CCSER1: variants seen among roughly 807,000 people sequenced by gnomAD.
The protein encoded by CCSER1 is serine-rich coiled-coil domain-containing protein 1.
A neutral mutation model predicts 82.0 loss-of-function variants in CCSER1; 41 were observed. The observed-to-expected ratio is 0.50, with a 90% CI of 0.39 to 0.65. The LOEUF (loss-of-function observed/expected upper bound fraction) is 0.65. Ranked by LOEUF, CCSER1 falls within the 30% of genes least tolerant of loss-of-function variation. The pLI is 0.00. For missense variants in CCSER1, 1,119 were observed against 1,064.2 expected, an observed-to-expected ratio of 1.05 and a Z score of -0.72; for synonymous variants, 414 against 383.9, an observed-to-expected ratio of 1.08 and a Z score of -0.92.
At chr4:90,771,545 AT>A (rs1261428284) in intron 7 of CCSER1, among the ~76,000 whole-genome samples, 11 of 145,066 alleles carry the variant, frequency 7.6e-5, no homozygotes, top group African/African-American at 2.4e-4. Context: ...AAATGATTTT[AT>A]TTAGAAAATG....
chr4:91,281,034 T>C (rs1742875308), intron 10 of CCSER1, among the ~76,000 whole-genome samples: 1 of 152,140 alleles, frequency 6.6e-6, no homozygotes, highest in African/African-American at 2.4e-5. Flanking sequence ...TCTTAGGGCT[T>C]GTGTGAGTTG....
chr4:90,403,403 G>A (rs1254530820), intron 4 of CCSER1, among the ~76,000 whole-genome samples: 1 of 149,282 alleles, frequency 6.7e-6, no homozygotes, highest in Non-Finnish European at 1.5e-5. Context: ...GGAGGCTGAG[G>A]CAGGAGAATG....
intron 8 of CCSER1, among the ~76,000 whole-genome samples, chr4:90,880,259 A>G (rs1721099464): frequency 6.6e-6 from 1 of 152,128 alleles, no homozygotes; most frequent in African/African-American, 2.4e-5. Flanking sequence ...TGGAAACACC[A>G]GAGGAAGGAA....
intron 10 of CCSER1, among the ~76,000 whole-genome samples, chr4:91,350,135 C>T (rs1202358639): frequency 3.2e-5 from 4 of 125,740 alleles, no homozygotes; most frequent in Non-Finnish European, 5.2e-5. Flanking sequence ...CATAAATTAA[C>T]AGTATTATTT....
intron 1 of CCSER1, among the ~76,000 whole-genome samples, chr4:90,208,005 C>G (rs1056597748): frequency 1.3e-5 from 2 of 152,148 alleles, no homozygotes; most frequent in Admixed American, 1.3e-4. Context: ...GCAATCTGTC[C>G]CTTAGCAGAG....
chr4:90,605,176 G>A (rs1380063764), intron 5 of CCSER1, among the ~76,000 whole-genome samples: 2 of 152,124 alleles, frequency 1.3e-5, no homozygotes, highest in Non-Finnish European at 1.5e-5. Context: ...CTCCCGATAC[G>A]TTGGAACATT....
chr4:91,293,754 G>A (rs1360004236), intron 10 of CCSER1, among the ~76,000 whole-genome samples: 12 of 151,808 alleles, frequency 7.9e-5, no homozygotes, highest in Admixed American at 7.9e-4. Flanking sequence ...ACCAGAGAAT[G>A]AGTTTCTTTG....
intron 5 of CCSER1, among the ~76,000 whole-genome samples, chr4:90,523,587 G>T (rs1027357975): frequency 1.3e-5 from 2 of 152,050 alleles, no homozygotes; most frequent in African/African-American, 4.8e-5. Flanking sequence ...ATACAGTTTT[G>T]TTATCATTTT....
chr4:90,839,067 G>GC (rs1561226072), intron 8 of CCSER1: 2 of 1,592,682 alleles, frequency 1.3e-6, no homozygotes, highest in South Asian at 1.1e-5. Context: ...AGCGAGGCGC[G>GC]CGAGTACGAG....
intron 5 of CCSER1, among the ~76,000 whole-genome samples, chr4:90,558,674 G>C (rs1778396014): frequency 6.6e-6 from 1 of 152,054 alleles, no homozygotes; most frequent in Admixed American, 6.5e-5. Flanking sequence ...CAGTATCTTT[G>C]TCTGAAAGGT....
rs187340267 is a variant in CCSER1, at chr4:90,866,323, T to G, written c.2094+50478T>G. Among the ~76,000 whole-genome samples, 343 of 152,158 alleles carry G rather than the reference T, an allele frequency of 2.3e-3. 2 individuals are homozygous for G. The highest frequency in any genetic ancestry group is 1.6e-3 in the Non-Finnish European group (112 of 67,996). ...GTTATAAATGAGTGAGTAGCCGAAGTAATGAAGCAAATTACAAAGGCAAAG... is the reference window on the plus strand; with the variant it reads ...GTTATAAATGAGTGAGTAGCCGAAGGAATGAAGCAAATTACAAAGGCAAAG... On this transcript the variant is annotated intron_variant, in intron 8 of 10. Coordinates refer to ENST00000509176, the MANE Select transcript of CCSER1 (RefSeq NM_001145065.2).
chr4:90,703,316 T>G lies in CCSER1; in HGVS notation c.1933-20598T>G, dbSNP rs184476612. On this transcript the variant is annotated intron_variant, in intron 6 of 10. Transcript: ENST00000509176. ...CTTTCTTAATCCTGAGTTCTAGTTT[T>G]ATTGCACTGTGTTCTGAGAGACAGT... Among the ~76,000 whole-genome samples, 708 of 152,282 alleles carry G rather than the reference T, an allele frequency of 4.6e-3. 6 individuals are homozygous for G. Among genetic ancestry groups the G allele is most frequent in the African/African-American group, 0.017 (689 of 41,572 alleles).
chr4:90,530,294 A>G (rs1298574413), intron 5 of CCSER1, among the ~76,000 whole-genome samples: 2 of 152,180 alleles, frequency 1.3e-5, no homozygotes, highest in Non-Finnish European at 2.9e-5. Context: ...TATAGTTTTC[A>G]TAGATTATTG....
At position 91,133,972 on chromosome 4, in the gene CCSER1, G is replaced by A. The variant is rs184295499; in HGVS notation, c.2217+47978G>A. 2.6e-5 allele frequency among the ~76,000 whole-genome samples: 4 copies of A among 152,268 alleles called. No individual in the cohort carries two copies. In the East Asian group the frequency reaches 7.7e-4, roughly 29 times the overall value. On this transcript the variant is annotated intron_variant, in intron 10 of 10. Coordinates refer to ENST00000509176, the MANE Select transcript of CCSER1 (RefSeq NM_001145065.2). ...AAATTAGCCAGGCAAGGTGGCGCAT[G>A]CCTATAATCCCAGCTACTCTGGAGG...
chr4:91,203,967 C>T (rs991849730), intron 10 of CCSER1, among the ~76,000 whole-genome samples: 1 of 151,756 alleles, frequency 6.6e-6, no homozygotes. Context: ...GCATAGAAAG[C>T]CTTCTGGGCA....
chr4:91,375,622 AC>A (rs1750361087), intron 10 of CCSER1, among the ~76,000 whole-genome samples: 1 of 151,764 alleles, frequency 6.6e-6, no homozygotes, highest in African/African-American at 2.4e-5. Flanking sequence ...GTTCCACATC[AC>A]CCTCTGGTTA....
At chr4:90,542,205 C>T (rs1776197666) in intron 5 of CCSER1, among the ~76,000 whole-genome samples, 3 of 151,822 alleles carry the variant, frequency 2.0e-5, no homozygotes, top group Admixed American at 2.0e-4. Flanking sequence ...AGTTACTTGT[C>T]CAAATTGAGA....
At position 90,838,081 on chromosome 4, in the gene CCSER1, A is replaced by T. The variant is rs544133763; in HGVS notation, c.2094+22236A>T. On this transcript the variant is annotated intron_variant, in intron 8 of 10. Coordinates refer to ENST00000509176, the MANE Select transcript of CCSER1 (RefSeq NM_001145065.2). ...CAATTCAGTATAAAAAAGAAAAAAA[A>T]CCCAATCTTTTTAGTCTATCAAAAT... Among the ~76,000 whole-genome samples the T allele has an allele frequency of 3.2e-3, 491 of 152,144 alleles. 3 individuals carry two copies. The highest frequency in any genetic ancestry group is 0.011 in the African/African-American group (467 of 41,548).
At chr4:90,920,215 A>G (rs993945401) in intron 8 of CCSER1, among the ~76,000 whole-genome samples, 9 of 151,040 alleles carry the variant, frequency 6.0e-5, no homozygotes, top group Non-Finnish European at 1.0e-4. Flanking sequence ...GGATGCATAC[A>G]TATATATCCA....
Sources: allele counts gnomAD v4.1 joint callset (sites outside exome capture counted in the v4.1 genomes callset), GRCh38; gene constraint gnomAD v4.1.1; transcripts MANE v1.5; gene names NCBI Gene and HGNC (gene_info 2026-07-23, HGNC 2026-07-21).